Variants in OGA observed in about 807,000 individuals in gnomAD.
OGA encodes protein O-GlcNAcase.
A neutral mutation model predicts 102.0 loss-of-function variants in OGA; 21 were observed. The ratio of observed to expected loss-of-function variants is 0.21; its 90% CI spans 0.15 to 0.30. The LOEUF is 0.30. Ranked by LOEUF, OGA falls within the 10% of genes least tolerant of loss-of-function variation. The pLI, the probability that OGA is intolerant of heterozygous loss-of-function variation, is 1.00. For synonymous variants in OGA, 408 were observed against 378.2 expected (o/e 1.08, Z -0.91); for missense variants, 765 against 1,107.8 (o/e 0.69, Z 4.39).
intron 8 of OGA, 53 bp from the exon 9 acceptor site, chr10:101,799,508 T>A: frequency 2.0e-6 from 3 of 1,511,536 alleles, no homozygotes; most frequent in Non-Finnish European, 1.8e-6. Flanking sequence ...TAATCAGAAT[T>A]AGAGATAGAA....
chr10:101,806,348 G>A (rs1016956653), intron 5 of OGA, among the ~76,000 whole-genome samples: 24 of 152,252 alleles, frequency 1.6e-4, no homozygotes, highest in African/African-American at 5.1e-4. Flanking sequence ...GACTACAGGC[G>A]CACGCCGCCA....
chr10:101,798,301 C>T (rs928408039), intron 9 of OGA, 147 bp from the exon 10 acceptor site: 1 of 722,778 alleles, frequency 1.4e-6, no homozygotes, highest in East Asian at 2.7e-5. Context: ...CCCAAACTGA[C>T]AAATATTCCT....
chr10:101,813,715 TAAAATACACCAA>T lies in OGA; in HGVS notation c.200-121_200-110del, dbSNP rs1018460483. On this transcript the variant is annotated intron_variant, in intron 1 of 15. Transcript: ENST00000361464. ...ATACAATCCTATTTTGTAAAAAGCA[TAAAATACACCAA>T]ATCGGAAGGATATTTAATAAAATAC... 5.2e-6 allele frequency: 3 copies of T among 571,500 alleles called. No homozygotes were observed. The African/African-American group carries it at 5.8e-5, about 11-fold the overall frequency. The allele number at this position is 571,500 out of a possible 1,614,324, so 35.4% of individuals were successfully genotyped here. A position where few individuals can be genotyped will look rare whatever the true frequency, so the allele number is the denominator to read the frequency against.
At chr10:101,786,665 G>T in intron 15 of OGA, 78 bp from the exon 16 acceptor site, 1 of 1,200,694 alleles carries the variant, frequency 8.3e-7, no homozygotes, top group Non-Finnish European at 1.1e-6. Flanking sequence ...TATAATCTTC[G>T]AGATGGTTAA....
chr10:101,790,173 GA>G (rs2065240650), intron 14 of OGA, among the ~76,000 whole-genome samples: 1 of 150,794 alleles, frequency 6.6e-6, no homozygotes, highest in Non-Finnish European at 1.5e-5. Context: ...GCATTAGTCA[GA>G]AGGCAAGTTA....
Position 101,818,087 on chromosome 10 carries a change from G to C in OGA, c.-65C>G, listed in dbSNP as rs1038808724. The C allele has an allele frequency of 1.0e-5, 15 of 1,462,124 alleles. No individual in the cohort carries two copies. In the African/African-American group the frequency reaches 2.2e-4, roughly 21 times the overall value. The allele number at this position is 1,462,124 out of a possible 1,614,324, so 90.6% of individuals were successfully genotyped here. On this transcript the variant is annotated 5_prime_UTR_variant, in exon 1 of 16. Transcript: ENST00000361464. ...TCGACCTCTGTCCGTTGGGGCACCG[G>C]CCCGGAGCCCTGGAGAGGGCTTCAG...
At chr10:101,804,241 A>G (rs1437437872) in intron 6 of OGA, among the ~76,000 whole-genome samples, 3 of 150,560 alleles carry the variant, frequency 2.0e-5, no homozygotes, top group Non-Finnish European at 4.4e-5. Flanking sequence ...TATACTGCAT[A>G]TATAACTTTT....
Position 101,815,961 on chromosome 10 carries a change from G to GAAAAAAAAAAAAAAAAAA in OGA, c.199+1862_199+1863insTTTTTTTTTTTTTTTTTT, listed in dbSNP as rs1185344174. Reference sequence around the variant, plus strand: ...TGCCAACCAAGAGGTATCAAAAAGAGAGAAAAAAAAAAAAAAAAAAAAAAA... The same window carrying GAAAAAAAAAAAAAAAAAA: ...TGCCAACCAAGAGGTATCAAAAAGAGAAAAAAAAAAAAAAAAAAAGAAAAAAAAAAAAAAAAAAAAAAA... On this transcript the variant is annotated intron_variant, in intron 1 of 15. Coordinates refer to ENST00000361464, the MANE Select transcript of OGA (RefSeq NM_012215.5). Among the ~76,000 whole-genome samples the GAAAAAAAAAAAAAAAAAA allele has an allele frequency of 2.5e-4, 6 of 23,790 alleles. 3 individuals are homozygous for GAAAAAAAAAAAAAAAAAA. Among genetic ancestry groups the GAAAAAAAAAAAAAAAAAA allele is most frequent in the Non-Finnish European group, 4.5e-4 (6 of 13,328 alleles). The allele number at this position is 23,790 out of a possible 152,430, so 15.6% of individuals were successfully genotyped here.
intron 7 of OGA, 73 bp downstream of exon 7, chr10:101,803,662 T>C: frequency 2.2e-6 from 3 of 1,374,080 alleles, no homozygotes; most frequent in South Asian, 1.3e-5. Context: ...GACAAAGGAA[T>C]GCATACTTTC....
Position 101,792,887 on chromosome 10 carries a change from A to C in OGA, c.2127T>G (p.Thr709=), listed in dbSNP as rs1589825291. The C allele has an allele frequency of 6.2e-7, 1 of 1,613,630 alleles. No homozygotes were observed. The highest frequency in any genetic ancestry group is 1.3e-5 in the African/African-American group (1 of 74,928). Residue 709 remains threonine (T), a synonymous_variant, in exon 12 of 16, where the codon ACT becomes ACG. Transcript: ENST00000361464. ...TGATAGTATAAACTTTGGAGGTAGG[A>C]GTCAGTGGAGGTGGCTGAAAAAAGA... ...NDLFFQPPPL[T]PTSKVYTIRP... is the part of the protein sequence containing the mutation.
At chr10:101,812,142 T>C (rs1349552561) in intron 3 of OGA, among the ~76,000 whole-genome samples, 1 of 152,200 alleles carries the variant, frequency 6.6e-6, no homozygotes, top group Non-Finnish European at 1.5e-5. Flanking sequence ...TACAAAAATG[T>C]TTCACCATTT....
At chr10:101,813,491 T>C in intron 2 of OGA, 64 bp downstream of exon 2, 1 of 1,087,360 alleles carries the variant, frequency 9.2e-7, no homozygotes. Flanking sequence ...TAGTATTTCT[T>C]CAAACAAAAG....
intron 3 of OGA, among the ~76,000 whole-genome samples, chr10:101,812,016 G>C (rs1188801890): frequency 6.6e-6 from 1 of 152,240 alleles, no homozygotes; most frequent in African/African-American, 2.4e-5. Flanking sequence ...GATGGAGATG[G>C]GGTAAGCTGT....
At chr10:101,809,503 G>T (rs778200553) in intron 4 of OGA, among the ~76,000 whole-genome samples, 2 of 152,072 alleles carry the variant, frequency 1.3e-5, no homozygotes, top group Non-Finnish European at 2.9e-5. Flanking sequence ...ATCACCTAAA[G>T]TCAGGAGTTC....
chr10:101,799,785 C>T (rs1330880127), intron 8 of OGA, among the ~76,000 whole-genome samples: 1 of 152,068 alleles, frequency 6.6e-6, no homozygotes, highest in Admixed American at 6.5e-5. Flanking sequence ...TATTTAAGAC[C>T]AAAAGTAAGA....
intron 6 of OGA, among the ~76,000 whole-genome samples, chr10:101,805,196 C>G (rs1475775453): frequency 6.6e-6 from 1 of 152,096 alleles, no homozygotes; most frequent in African/African-American, 2.4e-5. Flanking sequence ...ACCAGCCCAC[C>G]TGGCTAAGTT....
intron 4 of OGA, among the ~76,000 whole-genome samples, chr10:101,809,245 C>G (rs552686526): frequency 1.3e-5 from 2 of 152,186 alleles, no homozygotes; most frequent in African/African-American, 2.4e-5. Context: ...CCACCAATCA[C>G]CTAGATTCCC....
intron 14 of OGA, chr10:101,787,773 T>C (rs887336376): frequency 8.8e-5 from 35 of 397,618 alleles, no homozygotes; most frequent in Middle Eastern, 1.4e-3. Flanking sequence ...TCTCTCTCTC[T>C]CTCTCTCTTT....
At chr10:101,795,813 AAT>A in intron 10 of OGA, 1 of 754,428 alleles carries the variant, frequency 1.3e-6, no homozygotes. Flanking sequence ...GCTTAAAAAA[AAT>A]AAAAAATAAA....
Sources: allele counts gnomAD v4.1 joint callset (sites outside exome capture counted in the v4.1 genomes callset), GRCh38; gene constraint gnomAD v4.1.1; transcripts MANE v1.5; gene names NCBI Gene and HGNC (gene_info 2026-07-23, HGNC 2026-07-21).